NTRK3: variants seen among roughly 807,000 people sequenced by gnomAD.
NTRK3 encodes NT-3 growth factor receptor.
Under a neutral mutation model 91.7 loss-of-function variants are expected in NTRK3, and 24 were observed. The observed-to-expected ratio is 0.26, with a 90% confidence interval of 0.19 to 0.37. The LOEUF is 0.37. NTRK3 is among the 10% of genes least tolerant of loss of function. NTRK3 has a pLI of 1.00. For synonymous variants in NTRK3, 483 were observed against 404.0 expected (o/e 1.20, Z -2.34); for missense variants, 880 against 1,068.9 (o/e 0.82, Z 2.46).
At chr15:88,165,901 T>C (rs2151467587) in intron 5 of NTRK3, among the ~76,000 whole-genome samples, 1 of 152,236 alleles carries the variant, frequency 6.6e-6, no homozygotes, top group East Asian at 1.9e-4. Context: ...GAGCAAGAAG[T>C]TGTCTTGATC....
At chr15:88,117,897 G>A (rs568295159) in intron 13 of NTRK3, among the ~76,000 whole-genome samples, 1 of 152,308 alleles carries the variant, frequency 6.6e-6, no homozygotes, top group African/African-American at 2.4e-5. Context: ...TTCCTTCCCT[G>A]GAACAGGTGG....
intron 3 of NTRK3, among the ~76,000 whole-genome samples, chr15:88,189,782 C>T (rs1305483271): frequency 6.6e-6 from 1 of 152,154 alleles, no homozygotes. Flanking sequence ...CTTCTTCCTT[C>T]TGTTTTGCTT....
intron 17 of NTRK3, among the ~76,000 whole-genome samples, chr15:87,923,011 G>A (rs896928988): frequency 6.6e-6 from 1 of 152,168 alleles, no homozygotes; most frequent in South Asian, 2.1e-4. Context: ...AGTTTGCAAG[G>A]AGAATAGAAA....
At chr15:87,914,044 G>A (rs1431144462) in intron 17 of NTRK3, among the ~76,000 whole-genome samples, 1 of 152,216 alleles carries the variant, frequency 6.6e-6, no homozygotes, top group Non-Finnish European at 1.5e-5. Flanking sequence ...TGAACCTGCT[G>A]AGAAGCCAGG....
At chr15:87,863,232 G>T (rs944954705) in exon 19 of NTRK3, 11 of 226,298 alleles carry the variant, frequency 4.9e-5, no homozygotes, top group Non-Finnish European at 8.8e-5. Flanking sequence ...GGTAATAAAT[G>T]AAAGATGTAA....
At chr15:88,120,819 T>A (rs1160915748) in intron 13 of NTRK3, among the ~76,000 whole-genome samples, 1 of 152,216 alleles carries the variant, frequency 6.6e-6, no homozygotes, top group Admixed American at 6.5e-5. Context: ...ACAAGTCAAG[T>A]ATGTGGAAAA....
At chr15:88,006,878 C>T in intron 14 of NTRK3, among the ~76,000 whole-genome samples, 1 of 152,128 alleles carries the variant, frequency 6.6e-6, no homozygotes, top group Non-Finnish European at 1.5e-5. Flanking sequence ...CATCAGAGAG[C>T]CACTAAGATA....
intron 17 of NTRK3, among the ~76,000 whole-genome samples, chr15:87,886,709 C>CATATAT (rs1340884735): frequency 2.0e-4 from 12 of 60,616 alleles, no homozygotes; most frequent in African/African-American, 5.2e-4. Flanking sequence ...TACATATATA[C>CATATAT]ACACACACAC....
At position 88,237,814 on chromosome 15, in the gene NTRK3, A is replaced by G. The variant is rs150498620; in HGVS notation, c.248+18092T>C. Among the ~76,000 whole-genome samples the G allele has an allele frequency of 1.8e-3, 272 of 152,308 alleles. 1 individual carries two copies. The highest frequency in any genetic ancestry group is 6.1e-3 in the African/African-American group (255 of 41,566). The stretch of plus-strand genomic sequence containing the variant: ...TTGATGAACTTCCACAGAATTCTGC[A>G]CTCAGAAAATCTAAAAATGGTGCTT... On this transcript the variant is annotated intron_variant, in intron 3 of 18. Coordinates refer to ENST00000394480, the Ensembl canonical transcript of NTRK3. The surrounding 1 kb of genome is among the most constrained non-coding windows in gnomAD (Gnocchi z 4.0).
At chr15:88,107,401 T>C (rs932294177) in intron 13 of NTRK3, among the ~76,000 whole-genome samples, 5 of 152,130 alleles carry the variant, frequency 3.3e-5, no homozygotes, top group Non-Finnish European at 5.9e-5. Flanking sequence ...TGTGATCACA[T>C]TACTGCACTC....
chr15:88,199,895 C>G (rs1166258580), intron 3 of NTRK3, among the ~76,000 whole-genome samples: 1 of 152,192 alleles, frequency 6.6e-6, no homozygotes, highest in African/African-American at 2.4e-5. Context: ...CCTGGGCCAC[C>G]ACTTCCAAGA....
At chr15:88,001,186 T>C (rs1005302898) in intron 14 of NTRK3, among the ~76,000 whole-genome samples, 2 of 152,182 alleles carry the variant, frequency 1.3e-5, no homozygotes, top group African/African-American at 4.8e-5. Flanking sequence ...CCATTTTTTA[T>C]TGGGTTGTCT....
intron 5 of NTRK3, among the ~76,000 whole-genome samples, chr15:88,168,334 A>G (rs960873135): frequency 1.3e-5 from 2 of 151,816 alleles, no homozygotes; most frequent in Non-Finnish European, 2.9e-5. Context: ...GTCTGCACCA[A>G]TGAGGGAGCC....
intron 6 of NTRK3, among the ~76,000 whole-genome samples, chr15:88,140,554 T>C (rs1371044797): frequency 6.6e-6 from 1 of 152,252 alleles, no homozygotes; most frequent in African/African-American, 2.4e-5. Context: ...CTGTTGTTTA[T>C]GTGAGTCATA....
chr15:88,244,324 C>T (rs2052634057), intron 3 of NTRK3, among the ~76,000 whole-genome samples: 16 of 152,238 alleles, frequency 1.1e-4, no homozygotes, highest in Admixed American at 8.5e-4. Flanking sequence ...CTCATAGCAA[C>T]TCTCCCAATA....
chr15:88,131,323 C>A (rs185216641), intron 10 of NTRK3, among the ~76,000 whole-genome samples: 2 of 152,212 alleles, frequency 1.3e-5, no homozygotes, highest in Non-Finnish European at 2.9e-5. Context: ...TAAGTATGAA[C>A]CAGCAGATAT....
At chr15:87,981,894 A>G (rs2074310725) in intron 14 of NTRK3, among the ~76,000 whole-genome samples, 1 of 152,194 alleles carries the variant, frequency 6.6e-6, no homozygotes, top group East Asian at 1.9e-4. Context: ...GGTTCCTTAA[A>G]ATCTTCCTTG....
intron 13 of NTRK3, among the ~76,000 whole-genome samples, chr15:88,105,527 T>C (rs1349054121): frequency 3.3e-5 from 5 of 152,234 alleles, no homozygotes; most frequent in Non-Finnish European, 5.9e-5. Context: ...TGCATCTCCC[T>C]ACTATTGGTG....
chr15:88,047,124 C>A (rs1011445733), intron 13 of NTRK3, among the ~76,000 whole-genome samples: 6 of 152,088 alleles, frequency 3.9e-5, no homozygotes, highest in African/African-American at 1.4e-4. Context: ...ACCAGCAGAC[C>A]CTCATAAACA....
Sources: gnomAD v4.1 joint callset for allele counts (sites outside exome capture counted in the v4.1 genomes callset) on GRCh38, gnomAD v4.1.1 for gene constraint, Gnocchi (gnomAD v3.1) non-coding constraint, MANE v1.5 for transcripts, NCBI Gene and HGNC (gene_info 2026-07-23, HGNC 2026-07-21) for gene names.